Variants in FRMD4A observed in about 807,000 individuals in gnomAD.
The protein encoded by FRMD4A is FERM domain containing 4A.
In FRMD4A, 29 loss-of-function variants were observed where a neutral mutation model predicts 129.1. The ratio of observed to expected loss-of-function variants is 0.22; its 90% CI spans 0.17 to 0.31. The LOEUF (loss-of-function observed/expected upper bound fraction) is 0.31. FRMD4A is among the 10% of genes least tolerant of loss of function. The probability of loss-of-function intolerance (pLI) is 1.00; values close to 1 mark genes in which losing one functional copy is unlikely to be tolerated. For synonymous variants in FRMD4A, 634 were observed against 571.6 expected (o/e 1.11, Z -1.56); for missense variants, 1,272 against 1,375.8 (o/e 0.92, Z 1.19).
At chr10:13,755,993 A>G (rs1253439756) in intron 8 of FRMD4A, 1 of 152,242 alleles carries the variant, frequency 6.6e-6, no homozygotes, top group African/African-American at 2.4e-5. Flanking sequence ...AACGTGGACC[A>G]AGAATCTTTA....
intron 8 of FRMD4A, among the ~76,000 whole-genome samples, chr10:13,755,818 T>C (rs2091838115): frequency 6.6e-6 from 1 of 152,238 alleles, no homozygotes; most frequent in Non-Finnish European, 1.5e-5. Context: ...GCATTTCATC[T>C]TGTAGAGATG....
intron 8 of FRMD4A, among the ~76,000 whole-genome samples, chr10:13,750,085 A>AAAGAAAGAAATG (rs2091512898): frequency 4.9e-4 from 40 of 81,162 alleles, no homozygotes; most frequent in East Asian, 1.0e-3. Flanking sequence ...AGAAAGAAAG[A>AAAGAAAGAAATG]AAGAAAGAAA....
chr10:14,051,029 TGA>T (rs1834231707), intron 2 of FRMD4A, among the ~76,000 whole-genome samples: 1 of 152,232 alleles, frequency 6.6e-6, no homozygotes, highest in Admixed American at 6.5e-5. Context: ...TCTTGTGTCC[TGA>T]GCCCTTTACT....
chr10:14,274,204 C>T (rs1218692482), intron 2 of FRMD4A, among the ~76,000 whole-genome samples: 1 of 152,220 alleles, frequency 6.6e-6, no homozygotes, highest in Non-Finnish European at 1.5e-5. Context: ...TGGCCATCAT[C>T]TCAGGCCTGG....
intron 2 of FRMD4A, among the ~76,000 whole-genome samples, chr10:13,907,547 T>C (rs2094894950): frequency 6.6e-6 from 1 of 152,148 alleles, no homozygotes; most frequent in Admixed American, 6.5e-5. Flanking sequence ...ACAGGCACCA[T>C]GTGGCTGTTG....
intron 2 of FRMD4A, among the ~76,000 whole-genome samples, chr10:14,239,431 T>C (rs1843952229): frequency 6.6e-6 from 1 of 151,982 alleles, no homozygotes; most frequent in Non-Finnish European, 1.5e-5. Context: ...ATCAAGACCA[T>C]CCTGGCTAAC....
chr10:14,081,278 C>T (rs982935240), intron 2 of FRMD4A, among the ~76,000 whole-genome samples: 2 of 152,160 alleles, frequency 1.3e-5, no homozygotes, highest in Non-Finnish European at 2.9e-5. Flanking sequence ...GACCACAAGA[C>T]AGGTGTCAGC....
intron 2 of FRMD4A, among the ~76,000 whole-genome samples, chr10:14,152,296 T>C (rs572670684): frequency 3.8e-4 from 58 of 151,900 alleles, no homozygotes; most frequent in Non-Finnish European, 7.7e-4. Context: ...CTTGGCTAAC[T>C]TTTTTGTATT....
intron 12 of FRMD4A, among the ~76,000 whole-genome samples, chr10:13,731,780 T>A (rs957451282): frequency 6.6e-6 from 1 of 152,092 alleles, no homozygotes; most frequent in Non-Finnish European, 1.5e-5. Context: ...CATTGTAGAT[T>A]CTGATTTTTC....
chr10:13,719,592 T>C (rs772548925), intron 12 of FRMD4A, among the ~76,000 whole-genome samples: 10 of 152,106 alleles, frequency 6.6e-5, no homozygotes, highest in Non-Finnish European at 1.5e-4. Context: ...CAGGTTTACA[T>C]TTTCCGGAAG....
Position 13,657,787 on chromosome 10 carries a change from GGT to G in FRMD4A, c.2067-267_2067-266del, listed in dbSNP as rs2082296670. ...ACTCACAGAAAGGTTTCGATTTCTG[GGT>G]TTTTTTTTTTTTTTAAATAATTCTA... On this transcript the variant is annotated intron_variant, in intron 21 of 24. Transcript: ENST00000357447. Among the ~76,000 whole-genome samples the G allele has an allele frequency of 1.8e-5, 2 of 110,960 alleles. 1 individual carries two copies. The highest frequency in any genetic ancestry group is 7.4e-5 in the African/African-American group (2 of 27,050). 72.8% of individuals were successfully genotyped at this position (110,960 alleles called of 152,430 possible).
chr10:14,169,365 A>T (rs776635679), intron 2 of FRMD4A, among the ~76,000 whole-genome samples: 1 of 152,140 alleles, frequency 6.6e-6, no homozygotes, highest in Non-Finnish European at 1.5e-5. Context: ...CACACAAATT[A>T]TAGGCTGTGA....
intron 2 of FRMD4A, among the ~76,000 whole-genome samples, chr10:13,884,144 T>TCACCCACACACACACACACACACACA (rs773933481): frequency 1.9e-5 from 2 of 105,096 alleles, no homozygotes; most frequent in African/African-American, 8.1e-5. Flanking sequence ...TCACACACAC[T>TCACCCACACACACACACACACACACA]CTCACACACT....
rs2081911697 is a variant in FRMD4A, at chr10:13,653,955, G to A, written c.3050+461C>T. ...GTGTGTTGAGAAAGAGCAAGTGCTT[G>A]GCCAGGACACAGCCCTTTTTCTTGC... On this transcript the variant is annotated intron_variant, in intron 23 of 24. Transcript: ENST00000357447. 1.4e-5 allele frequency: 3 copies of A among 211,116 alleles called. No individual in the cohort carries two copies. The Admixed American group carries it at 1.6e-4, about 11-fold the overall frequency. The allele number at this position is 211,116 out of a possible 1,614,324, so 13.1% of individuals were successfully genotyped here.
intron 2 of FRMD4A, among the ~76,000 whole-genome samples, chr10:14,308,433 C>T (rs565649006): frequency 4.0e-5 from 6 of 151,854 alleles, no homozygotes; most frequent in Middle Eastern, 3.4e-3. Context: ...AGTGAGAATA[C>T]GAACAGCAGT....
intron 2 of FRMD4A, among the ~76,000 whole-genome samples, chr10:14,045,672 TTA>T (rs1338392449): frequency 7.1e-6 from 1 of 141,784 alleles, no homozygotes; most frequent in Non-Finnish European, 1.5e-5. Context: ...TATGTCATAT[TTA>T]TATTATATTA....
intron 3 of FRMD4A, among the ~76,000 whole-genome samples, chr10:13,832,132 G>C (rs1006815473): frequency 1.3e-5 from 2 of 151,452 alleles, no homozygotes; most frequent in Non-Finnish European, 2.9e-5. Flanking sequence ...ATTACACCAA[G>C]AGAACCGAGT....
rs560987153 is a variant in FRMD4A at position 14,043,245 on chromosome 10, A to C, written c.46-184333T>G. On this transcript the variant is annotated intron_variant, in intron 2 of 24. Transcript: ENST00000357447. ...AGAATTCAATACAAATATATTTCTG[A>C]GGGATTTTTTTATGAGAAATTCTAG... Among the ~76,000 whole-genome samples, 132 of 152,302 alleles carry C rather than the reference A, an allele frequency of 8.7e-4. 1 individual carries two copies. Among genetic ancestry groups the C allele is most frequent in the South Asian group, 7.7e-3 (37 of 4,822 alleles).
intron 2 of FRMD4A, among the ~76,000 whole-genome samples, chr10:14,162,210 T>C (rs1840926696): frequency 6.6e-6 from 1 of 152,154 alleles, no homozygotes. Context: ...GGCTCGATAG[T>C]CACATGCAGT....
Sources: allele counts gnomAD v4.1 joint callset (sites outside exome capture counted in the v4.1 genomes callset), GRCh38; gene constraint gnomAD v4.1.1; transcripts MANE v1.5; gene names NCBI Gene and HGNC (gene_info 2026-07-23, HGNC 2026-07-21).